CUX1: variants seen among roughly 807,000 people sequenced by gnomAD.
CUX1 encodes protein CASP.
A neutral mutation model predicts 158.8 loss-of-function variants in CUX1; 31 were observed. The observed-to-expected ratio is 0.20, with a 90% CI of 0.15 to 0.26. The LOEUF (loss-of-function observed/expected upper bound fraction) is 0.26, where lower values mean the gene tolerates loss of function less well. CUX1 is among the 10% of genes least tolerant of loss of function. The pLI is 1.00. For synonymous variants in CUX1, 879 were observed against 862.1 expected (o/e 1.02, Z -0.34); for missense variants, 1,589 against 2,014.6 (o/e 0.79, Z 4.04).
At chr7:101,874,608 G>C (rs1251028736) in intron 1 of CUX1, among the ~76,000 whole-genome samples, 1 of 152,168 alleles carries the variant, frequency 6.6e-6, no homozygotes, top group East Asian at 1.9e-4. Flanking sequence ...GTTTTTCAGG[G>C]AGAAGTCAAG....
In CUX1 at chr7:102,201,025, T is replaced by TAAAAAAAAAAAAAA. The variant is rs78359248; in HGVS notation, c.2063-319_2063-306dup. Among the ~76,000 whole-genome samples, 14 of 42,138 alleles carry TAAAAAAAAAAAAAA rather than the reference T, an allele frequency of 3.3e-4. 1 individual carries two copies. Among genetic ancestry groups the TAAAAAAAAAAAAAA allele is most frequent in the African/African-American group, 1.3e-3 (13 of 9,696 alleles). 27.6% of individuals were successfully genotyped at this position (42,138 alleles called of 152,430 possible). ...CTGGACAACAGCGAGATCCTGTCGCTAAAAAAAAAAAAAAAAAAAAAAAAA... is the reference window on the plus strand; with the variant it reads ...CTGGACAACAGCGAGATCCTGTCGCTAAAAAAAAAAAAAAAAAAAAAAAAAAAAAAAAAAAAAAA... On this transcript the variant is annotated intron_variant, in intron 17 of 23. Transcript: ENST00000292535. The surrounding 1 kb of genome is among the most constrained non-coding windows in gnomAD (Gnocchi z 5.0).
intron 4 of CUX1, among the ~76,000 whole-genome samples, chr7:102,081,011 C>T (rs1827322789): frequency 6.6e-6 from 1 of 152,130 alleles, no homozygotes; most frequent in Non-Finnish European, 1.5e-5. Context: ...ATGACCGATA[C>T]CTTCTGGTTT....
chr7:102,229,133 C>A (rs1454590900), intron 21 of CUX1, among the ~76,000 whole-genome samples: 2 of 152,186 alleles, frequency 1.3e-5, no homozygotes, highest in East Asian at 1.9e-4. Context: ...CTGGGGCGGG[C>A]AGCCCCTGGG....
At position 102,254,530 on chromosome 7, in the gene CUX1, G is replaced by A; in HGVS notation, c.*5488G>A. The A allele has an allele frequency of 1.0e-6, 1 of 985,534 alleles. No individual in the cohort carries two copies. The highest frequency in any genetic ancestry group is 1.2e-6 in the Non-Finnish European group (1 of 829,996). 61.0% of individuals were successfully genotyped at this position (985,534 alleles called of 1,614,324 possible). A position where few individuals can be genotyped will look rare whatever the true frequency, so the allele number is the denominator to read the frequency against. ...CCGAAGAAAATCAGCTCCTGGGGCTGGTGGTTGGAGGTGGGTCTGTCCACT... is the reference window on the plus strand; with the variant it reads ...CCGAAGAAAATCAGCTCCTGGGGCTAGTGGTTGGAGGTGGGTCTGTCCACT... On this transcript the variant is annotated 3_prime_UTR_variant, in exon 24 of 24. Transcript: ENST00000292535.
chr7:102,109,746 G>T (rs904509885), intron 6 of CUX1, among the ~76,000 whole-genome samples: 5 of 151,018 alleles, frequency 3.3e-5, no homozygotes, highest in Non-Finnish European at 7.4e-5. Context: ...TCATGCCATT[G>T]CTCTCCAGCC....
intron 2 of CUX1, among the ~76,000 whole-genome samples, chr7:101,920,298 AT>A (rs1367069027): frequency 1.3e-5 from 2 of 150,954 alleles, no homozygotes; most frequent in East Asian, 3.9e-4. Flanking sequence ...ATTTTTTTGT[AT>A]TTTTAGTAGA....
intron 11 of CUX1, among the ~76,000 whole-genome samples, chr7:102,183,624 A>T (rs1793349323): frequency 6.6e-6 from 1 of 152,122 alleles, no homozygotes. Flanking sequence ...CCTGGACCCC[A>T]GAGATGCAGT....
At position 102,255,573 on chromosome 7, in the gene CUX1, T is replaced by C. The variant is rs1219805505; in HGVS notation, c.*6531T>C. Reference sequence around the variant, plus strand: ...GTCTACGTTACTGTAATTTCTGTAGTGTTTACGCTTTAATTTCTACCACAA... The same window carrying C: ...GTCTACGTTACTGTAATTTCTGTAGCGTTTACGCTTTAATTTCTACCACAA... On this transcript the variant is annotated 3_prime_UTR_variant, in exon 24 of 24. Transcript: ENST00000292535. The C allele has an allele frequency of 1.3e-5, 13 of 985,288 alleles. No individual in the cohort carries two copies. The highest frequency in any genetic ancestry group is 1.4e-5 in the Non-Finnish European group (12 of 829,900). 61.0% of individuals were successfully genotyped at this position (985,288 alleles called of 1,614,324 possible). A position where few individuals can be genotyped will look rare whatever the true frequency, so the allele number is the denominator to read the frequency against.
In CUX1 at chr7:102,190,648, G is replaced by A. The variant is rs1794174081; in HGVS notation, c.1076+777G>A. 1.3e-5 allele frequency among the ~76,000 whole-genome samples: 2 copies of A among 152,192 alleles called. 1 individual carries two copies. The highest frequency in any genetic ancestry group is 4.1e-4 in the South Asian group (2 of 4,836). On this transcript the variant is annotated intron_variant, in intron 12 of 23. Transcript: ENST00000292535. ...AAGCACTGCAAACGAAGGTTGCCTA[G>A]GGCATGGTGACCAGCCCCACAGGTC...
chr7:102,249,782 T>C lies in CUX1; in HGVS notation c.*740T>C. 1 of 985,826 alleles carries C rather than the reference T, an allele frequency of 1.0e-6. No individual in the cohort carries two copies. The highest frequency in any genetic ancestry group is 1.2e-6 in the Non-Finnish European group (1 of 829,888). The allele number at this position is 985,826 out of a possible 1,614,324, so 61.1% of individuals were successfully genotyped here. ...TCAAAACGACTCTAAACACACTAGT[T>C]TGGATTCCTAAATATTTTCAAGAAA... On this transcript the variant is annotated 3_prime_UTR_variant, in exon 24 of 24. Transcript: ENST00000292535.
At chr7:101,939,675 A>T (rs1807456880) in intron 2 of CUX1, among the ~76,000 whole-genome samples, 3 of 152,072 alleles carry the variant, frequency 2.0e-5, no homozygotes, top group Non-Finnish European at 4.4e-5. Context: ...CTATAAAAAA[A>T]ATACGAAAAT....
intron 8 of CUX1, among the ~76,000 whole-genome samples, chr7:102,156,599 T>G (rs531903348): frequency 2.6e-5 from 4 of 152,100 alleles, no homozygotes; most frequent in African/African-American, 9.7e-5. Flanking sequence ...ACACTGGGGA[T>G]CAAATTTCAG....
chr7:101,995,309 A>G (rs1815706448), intron 2 of CUX1, among the ~76,000 whole-genome samples: 1 of 152,190 alleles, frequency 6.6e-6, no homozygotes, highest in Non-Finnish European at 1.5e-5. Flanking sequence ...AAACATTCTC[A>G]GTAGAAACCC....
intron 17 of CUX1, chr7:102,277,843 C>A: frequency 1.6e-6 from 1 of 619,580 alleles, no homozygotes; most frequent in Non-Finnish European, 2.7e-6. Flanking sequence ...TCAGGCAGGT[C>A]AAGGAGAAGG....
chr7:102,134,390 C>A (rs186526334), intron 8 of CUX1, among the ~76,000 whole-genome samples: 12 of 152,250 alleles, frequency 7.9e-5, no homozygotes, highest in African/African-American at 1.7e-4. Context: ...TAATTGTTTT[C>A]CTTGGTCCTT....
At chr7:102,282,713 T>A (rs1554549660) in exon 22 of CUX1, 2 of 1,613,084 alleles carry the variant, frequency 1.2e-6, no homozygotes, top group Non-Finnish European at 1.7e-6. Flanking sequence ...CCTGGCCAGG[T>A]GCTCTACAAG....
At chr7:102,210,438 C>G (rs1796401753) in intron 20 of CUX1, among the ~76,000 whole-genome samples, 1 of 152,098 alleles carries the variant, frequency 6.6e-6, no homozygotes, top group Admixed American at 6.6e-5. Context: ...AACCTGGTCT[C>G]TGTTGCCAGG....
At chr7:101,927,265 A>C (rs1805700729) in intron 2 of CUX1, among the ~76,000 whole-genome samples, 1 of 152,160 alleles carries the variant, frequency 6.6e-6, no homozygotes, top group Non-Finnish European at 1.5e-5. Context: ...TTCCATGTAA[A>C]GCCCTGATCA....
upstream of CUX1, chr7:101,816,842 C>T: frequency 3.4e-6 from 3 of 893,582 alleles, no homozygotes; most frequent in Non-Finnish European, 4.0e-6. Flanking sequence ...CCCCGGCCGG[C>T]CCCGGCCGCC....
Sources: gnomAD v4.1 joint callset for allele counts (sites outside exome capture counted in the v4.1 genomes callset) on GRCh38, gnomAD v4.1.1 for gene constraint, Gnocchi (gnomAD v3.1) non-coding constraint, MANE v1.5 for transcripts, NCBI Gene and HGNC (gene_info 2026-07-23, HGNC 2026-07-21) for gene names.